The following ALPK2 variants were observed in gnomAD, a reference collection of about 807,000 sequenced individuals.
The protein encoded by ALPK2 is alpha-protein kinase 2.
In ALPK2, 127 loss-of-function variants were observed where a neutral mutation model predicts 163.1. That is an observed-to-expected ratio of 0.78 (90% confidence interval 0.67 to 0.90). The LOEUF is 0.90. Among genes scored for constraint, ALPK2 ranks in the 40% least tolerant of loss-of-function variants. The probability of loss-of-function intolerance (pLI) is 0.00; values close to 1 mark genes in which losing one functional copy is unlikely to be tolerated. For missense variants in ALPK2, 2,360 were observed against 2,589.6 expected (o/e 0.91, Z 1.92); for synonymous variants, 953 against 959.1 (o/e 0.99, Z 0.12).
intron 3 of ALPK2, among the ~76,000 whole-genome samples, chr18:58,604,418 G>C (rs1412192212): frequency 6.6e-6 from 1 of 152,190 alleles, no homozygotes; most frequent in African/African-American, 2.4e-5. Flanking sequence ...TGAATGCTTA[G>C]GACGTAGAGC....
intron 1 of ALPK2, among the ~76,000 whole-genome samples, chr18:58,613,707 A>G (rs2052147995): frequency 1.0e-5 from 1 of 97,136 alleles, no homozygotes; most frequent in South Asian, 3.4e-4. Flanking sequence ...TCAAAAAAAA[A>G]AAATAATAAT....
At position 58,611,816 on chromosome 18, in the gene ALPK2, A is replaced by C; in HGVS notation, c.-19T>G. The stretch of plus-strand genomic sequence containing the variant: ...CTTTCATCCTTTCATGCCGCACCAA[A>C]TCTGAAAAAAAAAAAAATCCCCGAC... On this transcript the variant is annotated splice_region_variant and 5_prime_UTR_variant, in exon 2 of 13. Transcript: ENST00000361673. 6.7e-7 allele frequency: 1 copy of C among 1,482,044 alleles called. No individual in the cohort carries two copies. The highest frequency in any genetic ancestry group is 9.2e-7 in the Non-Finnish European group (1 of 1,091,002). 91.8% of individuals were successfully genotyped at this position (1,482,044 alleles called of 1,614,324 possible).
intron 10 of ALPK2, chr18:58,511,718 C>T (rs781627232): frequency 3.9e-5 from 6 of 152,166 alleles, no homozygotes; most frequent in Non-Finnish European, 8.8e-5. Flanking sequence ...CACCTGCGGG[C>T]CAGCTAATTT....
chr18:58,492,528 C>A (rs1374506372), intron 12 of ALPK2, among the ~76,000 whole-genome samples: 2 of 152,312 alleles, frequency 1.3e-5, no homozygotes, highest in African/African-American at 4.8e-5. Flanking sequence ...GGCTCTGTCA[C>A]CCCAACCCTC....
chr18:58,512,610 G>A (rs1389477333), intron 10 of ALPK2, among the ~76,000 whole-genome samples: 1 of 151,910 alleles, frequency 6.6e-6, no homozygotes, highest in Non-Finnish European at 1.5e-5. Flanking sequence ...TGTGTTGTGT[G>A]TGTGGTTTGT....
chr18:58,550,225 CTCTCACAGTACAACCCACAT>C (rs1476301082), intron 4 of ALPK2, among the ~76,000 whole-genome samples: 59 of 151,702 alleles, frequency 3.9e-4, no homozygotes, highest in African/African-American at 1.2e-3. Context: ...ATCTATGCCT[CTCTCACAGTACAACCCACAT>C]TCTGGTGTCT....
chr18:58,507,060 C>T (rs117257236), intron 10 of ALPK2, among the ~76,000 whole-genome samples: 4 of 152,266 alleles, frequency 2.6e-5, no homozygotes, highest in Non-Finnish European at 5.9e-5. Context: ...CCACTGATGG[C>T]GGGCCATAGA....
chr18:58,603,995 G>A (rs1367914376), intron 3 of ALPK2, among the ~76,000 whole-genome samples: 1 of 152,204 alleles, frequency 6.6e-6, no homozygotes, highest in Non-Finnish European at 1.5e-5. Flanking sequence ...CTTGCCTGAA[G>A]TGCCCAGGTT....
At chr18:58,550,944 C>T (rs955548467) in intron 4 of ALPK2, among the ~76,000 whole-genome samples, 7 of 151,522 alleles carry the variant, frequency 4.6e-5, no homozygotes, top group Non-Finnish European at 1.0e-4. Flanking sequence ...CATACAATCC[C>T]ATCCCCACCT....
chr18:58,619,434 T>C (rs1026530760), intron 1 of ALPK2, among the ~76,000 whole-genome samples: 2 of 152,232 alleles, frequency 1.3e-5, no homozygotes, highest in African/African-American at 4.8e-5. Context: ...ACAAGAACCC[T>C]CATTCATTGC....
chr18:58,483,726 ATTTT>A (rs35380816), intron 12 of ALPK2, among the ~76,000 whole-genome samples: 22 of 132,820 alleles, frequency 1.7e-4, no homozygotes, highest in Admixed American at 1.0e-3. Context: ...AATTTTTTGT[ATTTT>A]TTTTTTTTTT....
chr18:58,482,907 GT>G (rs2051319023), intron 12 of ALPK2, among the ~76,000 whole-genome samples: 1 of 152,218 alleles, frequency 6.6e-6, no homozygotes, highest in East Asian at 1.9e-4. Flanking sequence ...GGCTTCCTGG[GT>G]TCTGGGCAGA....
intron 1 of ALPK2, among the ~76,000 whole-genome samples, chr18:58,620,908 C>A (rs1602243514): frequency 6.6e-6 from 1 of 152,156 alleles, no homozygotes; most frequent in Admixed American, 6.5e-5. Flanking sequence ...GTAATCCCAG[C>A]ACTTTGGGAG....
intron 4 of ALPK2, among the ~76,000 whole-genome samples, chr18:58,542,394 G>A (rs558656181): frequency 1.1e-3 from 166 of 152,176 alleles, no homozygotes; most frequent in Non-Finnish European, 2.1e-3. Context: ...GCTCTGACAG[G>A]CAGAGCCTTG....
intron 4 of ALPK2, among the ~76,000 whole-genome samples, chr18:58,545,801 A>G (rs948866702): frequency 7.2e-5 from 11 of 152,168 alleles, no homozygotes; most frequent in African/African-American, 1.2e-4. Context: ...CACATCATCA[A>G]TTTTCCCTTG....
intron 4 of ALPK2, among the ~76,000 whole-genome samples, chr18:58,547,221 T>C (rs1306105916): frequency 6.6e-6 from 1 of 152,206 alleles, no homozygotes; most frequent in African/African-American, 2.4e-5. Flanking sequence ...TCATTTGCAA[T>C]CAGAGGTTCC....
chr18:58,582,672 G>A (rs114094743), intron 3 of ALPK2, among the ~76,000 whole-genome samples: 141 of 152,296 alleles, frequency 9.3e-4, no homozygotes, highest in Middle Eastern at 3.4e-3. Context: ...AAGTGCCCGA[G>A]GTAGTCAGTT....
intron 5 of ALPK2, among the ~76,000 whole-genome samples, chr18:58,531,391 G>A (rs1326047398): frequency 1.3e-5 from 2 of 151,966 alleles, no homozygotes; most frequent in African/African-American, 4.8e-5. Context: ...GTCAGCCAAG[G>A]GGTCTGAAGT....
chr18:58,601,308 T>C (rs544457859), intron 3 of ALPK2, among the ~76,000 whole-genome samples: 1 of 152,194 alleles, frequency 6.6e-6, no homozygotes, highest in Non-Finnish European at 1.5e-5. Flanking sequence ...AGGTGGCTTT[T>C]TGAGAAGGAT....
Sources: allele counts gnomAD v4.1 joint callset (sites outside exome capture counted in the v4.1 genomes callset), GRCh38; gene constraint gnomAD v4.1.1; transcripts MANE v1.5; gene names NCBI Gene and HGNC (gene_info 2026-07-23, HGNC 2026-07-21).